Variants in ADTRP observed in about 807,000 individuals in gnomAD.
ADTRP encodes androgen-dependent TFPI-regulating protein.
A neutral mutation model predicts 27.0 loss-of-function variants in ADTRP; 20 were observed. The ratio of observed to expected loss-of-function variants is 0.74; its 90% CI spans 0.52 to 1.08. The LOEUF (loss-of-function observed/expected upper bound fraction) is 1.08, where lower values mean the gene tolerates loss of function less well. Ranked by LOEUF, ADTRP falls within the 50% of genes least tolerant of loss-of-function variation. ADTRP has a pLI of 0.00. For missense variants in ADTRP, 251 were observed against 275.0 expected (o/e 0.91, Z 0.62); for synonymous variants, 101 against 105.2 (o/e 0.96, Z 0.25).
intron 3 of ADTRP, among the ~76,000 whole-genome samples, chr6:11,743,080 C>T (rs563204107): frequency 3.2e-3 from 489 of 152,336 alleles, no homozygotes; most frequent in Non-Finnish European, 5.9e-3. Flanking sequence ...GTGGCCCGTC[C>T]TGCCTTCTCA....
chr6:11,739,098 C>T (rs1762634272), intron 3 of ADTRP, among the ~76,000 whole-genome samples: 1 of 151,644 alleles, frequency 6.6e-6, no homozygotes, highest in Non-Finnish European at 1.5e-5. Flanking sequence ...GTTTTTGCTT[C>T]CAAAAAATCT....
intron 5 of ADTRP, among the ~76,000 whole-genome samples, chr6:11,721,039 A>G (rs534516201): frequency 2.0e-5 from 3 of 152,344 alleles, no homozygotes; most frequent in South Asian, 2.1e-4. Context: ...GTCTAGTGGA[A>G]AAACAAATCC....
intron 4 of ADTRP, among the ~76,000 whole-genome samples, chr6:11,727,608 A>G (rs1257898726): frequency 1.3e-5 from 2 of 152,162 alleles, no homozygotes; most frequent in East Asian, 1.9e-4. Context: ...ATCCCCCCAG[A>G]GGCTTGGAAA....
chr6:11,743,185 C>A (rs1561756076), intron 3 of ADTRP, among the ~76,000 whole-genome samples: 1 of 152,218 alleles, frequency 6.6e-6, no homozygotes, highest in Non-Finnish European at 1.5e-5. Flanking sequence ...TTCACACTGT[C>A]AATTTCATGT....
chr6:11,728,931 C>G (rs1172364145), intron 4 of ADTRP, among the ~76,000 whole-genome samples: 1 of 152,158 alleles, frequency 6.6e-6, no homozygotes, highest in Non-Finnish European at 1.5e-5. Context: ...AATGACGTTG[C>G]CCCTCAGTTC....
chr6:11,734,679 T>G (rs1245469487), intron 4 of ADTRP, among the ~76,000 whole-genome samples: 1 of 151,922 alleles, frequency 6.6e-6, no homozygotes, highest in Non-Finnish European at 1.5e-5. Context: ...AAACAGGCAC[T>G]GCTAGAGCCC....
intron 5 of ADTRP, 30 bp downstream of exon 5, chr6:11,723,319 C>T: frequency 6.2e-7 from 1 of 1,611,222 alleles, no homozygotes; most frequent in Non-Finnish European, 8.5e-7. Flanking sequence ...GGAAGAAGCG[C>T]ATCTGTAGCT....
At chr6:11,775,254 G>A (rs1459013153) in intron 1 of ADTRP, among the ~76,000 whole-genome samples, 1 of 152,126 alleles carries the variant, frequency 6.6e-6, no homozygotes, top group Non-Finnish European at 1.5e-5. Flanking sequence ...TCTACCCAGA[G>A]AAGTTCACCA....
At chr6:11,752,540 T>C (rs570341707) in intron 3 of ADTRP, among the ~76,000 whole-genome samples, 38 of 152,222 alleles carry the variant, frequency 2.5e-4, no homozygotes, top group African/African-American at 8.4e-4. Flanking sequence ...ATAAAGGAAA[T>C]TTCAACCAGA....
chr6:11,760,336 C>G (rs996475893), intron 3 of ADTRP, among the ~76,000 whole-genome samples: 5 of 152,140 alleles, frequency 3.3e-5, no homozygotes, highest in African/African-American at 1.2e-4. Context: ...TGACTCGAGT[C>G]CTCTTACAAG....
rs1764039010 is a variant in ADTRP, at chr6:11,778,677, C to T, written c.83G>A (p.Gly28Glu). Reference protein sequence around the residue: ...TFLNYYISQEGKDEVKPKILA... With the variant: ...TFLNYYISQEEKDEVKPKILA... Reference sequence around the variant, plus strand: ...GATTTTGGGTTTCACCTCGTCTTTTCCTTCCTGTGAGATGTAATAATTGAG... The same window carrying T: ...GATTTTGGGTTTCACCTCGTCTTTTTCTTCCTGTGAGATGTAATAATTGAG... Residue 28 changes from glycine (G) to glutamate (E), a missense_variant, in exon 1 of 6, where the codon GGA (glycine) becomes GAA (glutamate). Gly to Glu is a moderately conservative substitution (Grantham distance 98). Coordinates refer to ENST00000414691, the MANE Select transcript of ADTRP (RefSeq NM_032744.4). The T allele has an allele frequency of 3.7e-6, 6 of 1,614,218 alleles. No individual in the cohort carries two copies. Among genetic ancestry groups the T allele is most frequent in the Non-Finnish European group, 5.1e-6 (6 of 1,180,044 alleles).
intron 4 of ADTRP, among the ~76,000 whole-genome samples, chr6:11,727,281 A>G (rs1034107114): frequency 2.0e-5 from 3 of 152,116 alleles, no homozygotes; most frequent in Non-Finnish European, 2.9e-5. Flanking sequence ...CAGCCTCCCA[A>G]AGTGCTGGGA....
At chr6:11,740,730 C>T (rs1762688701) in intron 3 of ADTRP, among the ~76,000 whole-genome samples, 1 of 152,228 alleles carries the variant, frequency 6.6e-6, no homozygotes, top group South Asian at 2.1e-4. Flanking sequence ...TAACTCCCTA[C>T]AGGTAGAGAC....
intron 3 of ADTRP, among the ~76,000 whole-genome samples, chr6:11,752,473 C>T (rs895416379): frequency 2.0e-5 from 3 of 151,860 alleles, no homozygotes; most frequent in Non-Finnish European, 4.4e-5. Flanking sequence ...CCAGGGATTC[C>T]AAGGAGGAAG....
chr6:11,751,337 T>C (rs1009805170), intron 3 of ADTRP, among the ~76,000 whole-genome samples: 5 of 152,350 alleles, frequency 3.3e-5, no homozygotes, highest in Admixed American at 3.3e-4. Flanking sequence ...TATGTCAGGA[T>C]AGTGTCTTAC....
intron 5 of ADTRP, chr6:11,717,481 GC>G: frequency 2.4e-6 from 3 of 1,256,964 alleles, no homozygotes; most frequent in Non-Finnish European, 2.1e-6. Context: ...ATAATTATAT[GC>G]CTTATTATTC....
intron 3 of ADTRP, 63 bp downstream of exon 3, chr6:11,766,211 T>C: frequency 8.1e-7 from 1 of 1,229,156 alleles, no homozygotes; most frequent in South Asian, 1.4e-5. Context: ...GATAAGGCAC[T>C]GTGGAGTTTT....
At chr6:11,755,741 G>A (rs1308652655) in intron 3 of ADTRP, among the ~76,000 whole-genome samples, 1 of 152,166 alleles carries the variant, frequency 6.6e-6, no homozygotes, top group African/African-American at 2.4e-5. Context: ...AAAAAAGGGT[G>A]GCTAGAAAGT....
At chr6:11,758,883 T>C (rs902269981) in intron 3 of ADTRP, among the ~76,000 whole-genome samples, 5 of 152,140 alleles carry the variant, frequency 3.3e-5, no homozygotes, top group Admixed American at 1.3e-4. Flanking sequence ...ATTGGTCTGC[T>C]CTGTGATAGT....
Sources: gnomAD v4.1 joint callset for allele counts (sites outside exome capture counted in the v4.1 genomes callset) on GRCh38, gnomAD v4.1.1 for gene constraint, MANE v1.5 for transcripts, NCBI Gene and HGNC (gene_info 2026-07-23, HGNC 2026-07-21) for gene names.